Variants in HAPLN1 observed in about 807,000 individuals in gnomAD.
HAPLN1 encodes the protein hyaluronan and proteoglycan link protein 1.
In HAPLN1, 13 loss-of-function variants were observed where a neutral mutation model predicts 36.5. That is an observed-to-expected ratio of 0.36 (90% CI 0.23 to 0.57). The LOEUF (loss-of-function observed/expected upper bound fraction) is 0.57. Ranked by LOEUF, HAPLN1 falls within the 20% of genes least tolerant of loss-of-function variation. HAPLN1 has a pLI of 0.83. For synonymous variants in HAPLN1, 202 were observed against 169.8 expected, an observed-to-expected ratio of 1.19 and a Z score of -1.48; for missense variants, 407 against 439.7, an observed-to-expected ratio of 0.93 and a Z score of 0.66.
intron 1 of HAPLN1, among the ~76,000 whole-genome samples, chr5:83,679,234 G>A (rs1159740740): frequency 6.6e-6 from 1 of 152,146 alleles, no homozygotes; most frequent in East Asian, 1.9e-4. Context: ...TCACTTAGCT[G>A]TAGATGTTTC....
intron 1 of HAPLN1, among the ~76,000 whole-genome samples, chr5:83,678,058 C>T (rs1360330138): frequency 6.6e-6 from 1 of 152,080 alleles, no homozygotes; most frequent in East Asian, 1.9e-4. Context: ...GATGCATGCT[C>T]AAATTTGAGA....
At chr5:83,655,269 T>C (rs562635482) in intron 2 of HAPLN1, among the ~76,000 whole-genome samples, 1 of 152,276 alleles carries the variant, frequency 6.6e-6, no homozygotes, top group Non-Finnish European at 1.5e-5. Context: ...AAAACTCTGG[T>C]ATAAGGGACT....
At chr5:83,667,095 C>T (rs1750571539) in intron 2 of HAPLN1, among the ~76,000 whole-genome samples, 1 of 152,120 alleles carries the variant, frequency 6.6e-6, no homozygotes, top group African/African-American at 2.4e-5. Context: ...GTCATCATAT[C>T]CCTAATGCCA....
chr5:83,706,078 A>C (rs1216721655), intron 1 of HAPLN1, among the ~76,000 whole-genome samples: 2 of 151,356 alleles, frequency 1.3e-5, no homozygotes, highest in Non-Finnish European at 2.9e-5. Context: ...TCTAAAATTG[A>C]ATCAGTAATA....
At chr5:83,700,407 T>C (rs1013320859) in intron 1 of HAPLN1, among the ~76,000 whole-genome samples, 4 of 152,118 alleles carry the variant, frequency 2.6e-5, no homozygotes, top group African/African-American at 9.7e-5. Flanking sequence ...CCATCATGAT[T>C]CAAAATTTAG....
chr5:83,683,368 G>A (rs193075215), intron 1 of HAPLN1, among the ~76,000 whole-genome samples: 18 of 152,188 alleles, frequency 1.2e-4, no homozygotes, highest in Non-Finnish European at 2.2e-4. Context: ...GTGTAGAGGT[G>A]GCAGAGTTCC....
intron 3 of HAPLN1, among the ~76,000 whole-genome samples, chr5:83,647,736 C>T (rs911334153): frequency 1.3e-5 from 2 of 152,034 alleles, no homozygotes; most frequent in Admixed American, 1.3e-4. Context: ...AATTTATCCT[C>T]CATACTTATA....
chr5:83,670,940 G>A lies in HAPLN1; in HGVS notation c.100+2484C>T, dbSNP rs555357891. Reference sequence around the variant, plus strand: ...AAACCCCTGACCTCGTGATCCACCCGCCTCGGCCTCCCAAAGTGCTGGGAT... The same window carrying A: ...AAACCCCTGACCTCGTGATCCACCCACCTCGGCCTCCCAAAGTGCTGGGAT... On this transcript the variant is annotated intron_variant, in intron 2 of 4. Coordinates refer to ENST00000274341, the MANE Select transcript of HAPLN1 (RefSeq NM_001884.4). Among the ~76,000 whole-genome samples, 84 of 152,128 alleles carry A rather than the reference G, an allele frequency of 5.5e-4. 2 individuals are homozygous for A. The South Asian group carries it at 0.016, about 30-fold the overall frequency.
At chr5:83,712,268 C>T (rs1412740562) in intron 1 of HAPLN1, among the ~76,000 whole-genome samples, 1 of 151,772 alleles carries the variant, frequency 6.6e-6, no homozygotes, top group East Asian at 1.9e-4. Flanking sequence ...GAATTTATAC[C>T]TGTTGTATAT....
At chr5:83,697,930 T>G (rs917688196) in intron 1 of HAPLN1, among the ~76,000 whole-genome samples, 2 of 152,146 alleles carry the variant, frequency 1.3e-5, no homozygotes, top group Non-Finnish European at 2.9e-5. Context: ...ATATTCTGGA[T>G]ATATACTAGC....
chr5:83,692,494 A>T (rs1046546001), intron 1 of HAPLN1, among the ~76,000 whole-genome samples: 7 of 152,064 alleles, frequency 4.6e-5, no homozygotes, highest in African/African-American at 1.7e-4. Flanking sequence ...TAAAGTACTG[A>T]AAGAAAACTG....
intron 2 of HAPLN1, among the ~76,000 whole-genome samples, chr5:83,673,103 C>A (rs1208236295): frequency 1.3e-5 from 2 of 152,188 alleles, no homozygotes; most frequent in Non-Finnish European, 2.9e-5. Context: ...TTCCTATTTT[C>A]TCTCTCTGAC....
intron 4 of HAPLN1, among the ~76,000 whole-genome samples, chr5:83,643,020 C>T (rs1225575151): frequency 6.6e-6 from 1 of 151,968 alleles, no homozygotes; most frequent in African/African-American, 2.4e-5. Flanking sequence ...TACTATATGG[C>T]CCTTTACAGA....
intron 1 of HAPLN1, among the ~76,000 whole-genome samples, chr5:83,685,439 T>C (rs373441403): frequency 3.3e-5 from 5 of 152,322 alleles, no homozygotes; most frequent in African/African-American, 1.2e-4. Context: ...AACTATATGC[T>C]GCAAACTTCT....
rs1320920500 is a variant in HAPLN1 at position 83,638,415 on chromosome 5, T to TA, written c.*3080dup. 6.6e-6 allele frequency: 1 copy of TA among 152,082 alleles called. No individual in the cohort carries two copies. Among genetic ancestry groups the TA allele is most frequent in the African/African-American group, 2.4e-5 (1 of 41,444 alleles). 9.4% of individuals were successfully genotyped at this position (152,082 alleles called of 1,614,324 possible). A position where few individuals can be genotyped will look rare whatever the true frequency, so the allele number is the denominator to read the frequency against. On this transcript the variant is annotated 3_prime_UTR_variant, in exon 5 of 5. Coordinates refer to ENST00000274341, the MANE Select transcript of HAPLN1 (RefSeq NM_001884.4). Reference sequence around the variant, plus strand: ...TGTACATCCATTGCCGCTCTGGCAGTAGTGAGCTACGATACAGTTAACTTC... The same window carrying TA: ...TGTACATCCATTGCCGCTCTGGCAGTAAGTGAGCTACGATACAGTTAACTTC...
chr5:83,699,407 G>GCTACT (rs1449615088), intron 1 of HAPLN1, among the ~76,000 whole-genome samples: 2 of 152,172 alleles, frequency 1.3e-5, no homozygotes, highest in African/African-American at 4.8e-5. Flanking sequence ...GGCCTAGGAT[G>GCTACT]CTACTGTTTT....
chr5:83,694,523 T>C (rs534917674), intron 1 of HAPLN1, among the ~76,000 whole-genome samples: 50 of 152,052 alleles, frequency 3.3e-4, no homozygotes, highest in Middle Eastern at 3.4e-3. Flanking sequence ...TCTGATAAAA[T>C]ATAAAAGATA....
At chr5:83,690,685 C>T (rs746369837) in intron 1 of HAPLN1, among the ~76,000 whole-genome samples, 6 of 151,870 alleles carry the variant, frequency 4.0e-5, no homozygotes, top group African/African-American at 7.2e-5. Context: ...TATGAATTTG[C>T]GCACCCCTGA....
At position 83,681,943 on chromosome 5, in the gene HAPLN1, A is replaced by C. The variant is rs369713933; in HGVS notation, c.-26-8394T>G. Among the ~76,000 whole-genome samples, 157 of 152,318 alleles carry C rather than the reference A, an allele frequency of 1.0e-3. 2 individuals are homozygous for C. Among genetic ancestry groups the C allele is most frequent in the African/African-American group, 3.7e-3 (152 of 41,578 alleles). On this transcript the variant is annotated intron_variant, in intron 1 of 4. Coordinates refer to ENST00000274341, the MANE Select transcript of HAPLN1 (RefSeq NM_001884.4). ...AAATGAATACAAACCTCCTAGTTACAGGTTTTATAATTTGAAACAAGAGTT... is the reference window on the plus strand; with the variant it reads ...AAATGAATACAAACCTCCTAGTTACCGGTTTTATAATTTGAAACAAGAGTT...
Sources: allele counts gnomAD v4.1 joint callset (sites outside exome capture counted in the v4.1 genomes callset), GRCh38; gene constraint gnomAD v4.1.1; transcripts MANE v1.5; gene names NCBI Gene and HGNC (gene_info 2026-07-23, HGNC 2026-07-21).